Variants in CNTNAP5 observed in about 807,000 individuals in gnomAD.
CNTNAP5 encodes contactin associated protein family member 5.
Under a neutral mutation model 150.2 loss-of-function variants are expected in CNTNAP5, and 72 were observed. The observed-to-expected ratio is 0.48, with a 90% confidence interval of 0.40 to 0.58. The LOEUF (loss-of-function observed/expected upper bound fraction) is 0.58. Ranked by LOEUF, CNTNAP5 falls within the 20% of genes least tolerant of loss-of-function variation. The pLI is 0.00. For synonymous variants in CNTNAP5, 672 were observed against 619.8 expected, an observed-to-expected ratio of 1.08 and a Z score of -1.25; for missense variants, 1,636 against 1,626.2, an observed-to-expected ratio of 1.01 and a Z score of -0.10.
intron 19 of CNTNAP5, among the ~76,000 whole-genome samples, chr2:124,844,446 G>A (rs949839932): frequency 2.6e-5 from 4 of 152,052 alleles, no homozygotes; most frequent in East Asian, 1.9e-4. Context: ...CAGGTAATGC[G>A]ATGCCTCCAT....
chr2:124,264,794 G>A (rs1687562542), intron 3 of CNTNAP5, among the ~76,000 whole-genome samples: 1 of 152,220 alleles, frequency 6.6e-6, no homozygotes, highest in African/African-American at 2.4e-5. Flanking sequence ...GGTCATTCCT[G>A]ATATTTTATT....
intron 1 of CNTNAP5, among the ~76,000 whole-genome samples, chr2:124,091,961 C>G (rs987573426): frequency 4.6e-5 from 7 of 152,314 alleles, no homozygotes; most frequent in African/African-American, 1.7e-4. Flanking sequence ...TAAGGCAGGT[C>G]CTCGGCTTCT....
chr2:124,705,112 G>A (rs1275827238), intron 13 of CNTNAP5, among the ~76,000 whole-genome samples: 1 of 148,864 alleles, frequency 6.7e-6, no homozygotes, highest in Non-Finnish European at 1.5e-5. Flanking sequence ...TATACATATA[G>A]TTATGTATTA....
intron 12 of CNTNAP5, among the ~76,000 whole-genome samples, chr2:124,628,072 G>T (rs1254299783): frequency 6.6e-6 from 1 of 152,170 alleles, no homozygotes; most frequent in Non-Finnish European, 1.5e-5. Context: ...TATGTAAAAA[G>T]ACTGAGCCTA....
At chr2:124,252,300 G>C (rs749099915) in intron 3 of CNTNAP5, among the ~76,000 whole-genome samples, 15 of 152,164 alleles carry the variant, frequency 9.9e-5, no homozygotes, top group Non-Finnish European at 2.1e-4. Context: ...GTGCTTACCA[G>C]AGAAGCTTTG....
At chr2:124,311,326 T>C (rs571795576) in intron 3 of CNTNAP5, among the ~76,000 whole-genome samples, 1 of 152,062 alleles carries the variant, frequency 6.6e-6, no homozygotes, top group Non-Finnish European at 1.5e-5. Flanking sequence ...TGGTTTCGAG[T>C]GAGGCCTCTC....
intron 13 of CNTNAP5, among the ~76,000 whole-genome samples, chr2:124,736,525 G>A (rs186693826): frequency 6.6e-6 from 1 of 152,238 alleles, no homozygotes; most frequent in East Asian, 1.9e-4. Flanking sequence ...ATATCGGTTT[G>A]TTTAATCCAT....
intron 11 of CNTNAP5, among the ~76,000 whole-genome samples, chr2:124,604,672 G>T (rs1427034472): frequency 2.0e-5 from 3 of 152,090 alleles, no homozygotes; most frequent in African/African-American, 7.2e-5. Context: ...CTACAAGCTG[G>T]TTTGTCTTTG....
intron 3 of CNTNAP5, among the ~76,000 whole-genome samples, chr2:124,274,711 AG>A (rs145368483): frequency 0.089 from 13,618 of 152,160 alleles, 692 homozygotes; most frequent in Non-Finnish European, 0.12. Context: ...TTTCTTTTAG[AG>A]GTGGAATTTT....
chr2:124,094,982 G>T (rs1005356032), intron 1 of CNTNAP5, among the ~76,000 whole-genome samples: 1 of 152,200 alleles, frequency 6.6e-6, no homozygotes, highest in African/African-American at 2.4e-5. Context: ...CCTTTAAAAA[G>T]CTGCACTGCG....
chr2:124,809,595 A>T (rs1221568051), intron 19 of CNTNAP5, among the ~76,000 whole-genome samples: 1 of 145,538 alleles, frequency 6.9e-6, no homozygotes, highest in Non-Finnish European at 1.5e-5. Flanking sequence ...TTAAAAAAAA[A>T]CCTGGCAAAC....
chr2:124,553,453 G>A (rs1481168774), intron 10 of CNTNAP5, among the ~76,000 whole-genome samples: 18 of 141,472 alleles, frequency 1.3e-4, no homozygotes, highest in South Asian at 9.0e-4. Flanking sequence ...GTAGTGAGCC[G>A]AAATCATGCC....
intron 17 of CNTNAP5, among the ~76,000 whole-genome samples, chr2:124,777,746 A>C (rs1681356552): frequency 6.7e-6 from 1 of 149,664 alleles, no homozygotes; most frequent in African/African-American, 2.5e-5. Context: ...TGTTGGATTG[A>C]CAATGGACAA....
chr2:124,165,662 G>A (rs1396198977), intron 1 of CNTNAP5, among the ~76,000 whole-genome samples: 5 of 152,158 alleles, frequency 3.3e-5, no homozygotes. Context: ...AATGGCTTGA[G>A]GTGCTCAGGC....
chr2:124,531,906 C>G (rs774893691), intron 10 of CNTNAP5, among the ~76,000 whole-genome samples: 2 of 152,158 alleles, frequency 1.3e-5, no homozygotes, highest in African/African-American at 4.8e-5. Flanking sequence ...ATTCAAGTTG[C>G]CCTGAACAGA....
chr2:124,132,056 C>T (rs1683863485), intron 1 of CNTNAP5, among the ~76,000 whole-genome samples: 1 of 152,234 alleles, frequency 6.6e-6, no homozygotes, highest in East Asian at 1.9e-4. Flanking sequence ...TCACACTCTC[C>T]TGAGATAAAG....
intron 17 of CNTNAP5, among the ~76,000 whole-genome samples, chr2:124,787,496 A>G (rs1361709455): frequency 6.6e-6 from 1 of 151,998 alleles, no homozygotes; most frequent in African/African-American, 2.4e-5. Flanking sequence ...TATTCTATAA[A>G]TCATTACTTC....
rs527467834 is a variant in CNTNAP5, at chr2:124,419,760, CT to C, written c.529+2178del. Reference sequence around the variant, plus strand: ...AATCACTAGTGCTGATGCTTTGGTACTTTTTTTTATTTGGGGGAAATAATTT... The same window carrying C: ...AATCACTAGTGCTGATGCTTTGGTACTTTTTTTATTTGGGGGAAATAATTT... On this transcript the variant is annotated intron_variant, in intron 4 of 23. Coordinates refer to ENST00000682447, the MANE Select transcript of CNTNAP5 (RefSeq NM_001367498.1). Among the ~76,000 whole-genome samples, 26 of 151,892 alleles carry C rather than the reference CT, an allele frequency of 1.7e-4. No homozygotes were observed. The South Asian group carries it at 4.8e-3, about 28-fold the overall frequency.
intron 14 of CNTNAP5, among the ~76,000 whole-genome samples, chr2:124,761,396 A>C (rs1374375482): frequency 1.3e-5 from 2 of 152,102 alleles, no homozygotes; most frequent in African/African-American, 4.8e-5. Flanking sequence ...TCTGCAGTTT[A>C]TTGGTCCAGT....
Sources: gnomAD v4.1 joint callset for allele counts (sites outside exome capture counted in the v4.1 genomes callset) on GRCh38, gnomAD v4.1.1 for gene constraint, MANE v1.5 for transcripts, NCBI Gene and HGNC (gene_info 2026-07-23, HGNC 2026-07-21) for gene names.